ZC3H8: variants seen among roughly 807,000 people sequenced by gnomAD.
ZC3H8 encodes zinc finger CCCH-type containing 8, also known as zinc finger CCCH domain-containing protein 8.
In ZC3H8, 27 loss-of-function variants were observed where a neutral mutation model predicts 42.5. That is an observed-to-expected ratio of 0.64 (90% CI 0.47 to 0.88). The LOEUF (loss-of-function observed/expected upper bound fraction) is 0.88. Among genes scored for constraint, ZC3H8 ranks in the 40% least tolerant of loss-of-function variants. The pLI, the probability that ZC3H8 is intolerant of heterozygous loss-of-function variation, is 0.00. For missense variants in ZC3H8, 277 were observed against 336.1 expected (o/e 0.82, Z 1.37); for synonymous variants, 101 against 110.1 (o/e 0.92, Z 0.52).
rs1340749545 is a variant in ZC3H8 at position 112,238,311 on chromosome 2, T to C, written c.370+4A>G. On this transcript the variant is annotated splice_donor_region_variant and intron_variant, in intron 3 of 8. Transcript: ENST00000409573. ...TTTAAATGATAAAATAGTTTGACTC[T>C]TACCCTGTGGGGTATCTTTTACTCC... 1 of 1,612,172 alleles carries C rather than the reference T, an allele frequency of 6.2e-7. No homozygotes were observed. The highest frequency in any genetic ancestry group is 8.5e-7 in the Non-Finnish European group (1 of 1,179,202).
chr2:112,229,953 A>C (rs996201359), intron 8 of ZC3H8, among the ~76,000 whole-genome samples: 3 of 151,912 alleles, frequency 2.0e-5, no homozygotes, highest in Non-Finnish European at 2.9e-5. Flanking sequence ...AAAAAAAAAA[A>C]ACAAAAAACG....
chr2:112,232,881 C>T (rs1296441721), intron 6 of ZC3H8, among the ~76,000 whole-genome samples: 1 of 152,150 alleles, frequency 6.6e-6, no homozygotes, highest in Non-Finnish European at 1.5e-5. Context: ...CTACACAGTA[C>T]AGAATACACA....
At chr2:112,234,539 G>A (rs763454308) in intron 4 of ZC3H8, among the ~76,000 whole-genome samples, 12 of 152,162 alleles carry the variant, frequency 7.9e-5, no homozygotes, top group Admixed American at 7.9e-4. Context: ...AGTGGCTCAC[G>A]CCTGTAATCC....
intron 4 of ZC3H8, among the ~76,000 whole-genome samples, chr2:112,236,094 T>A (rs1685315162): frequency 6.6e-6 from 1 of 151,824 alleles, no homozygotes; most frequent in African/African-American, 2.4e-5. Context: ...CGAAACCCTG[T>A]CTCTACTAAA....
chr2:112,218,558 AAAG>A (rs1316313274), intron 8 of ZC3H8, among the ~76,000 whole-genome samples: 3 of 152,216 alleles, frequency 2.0e-5, no homozygotes, highest in Admixed American at 2.0e-4. Flanking sequence ...CAGTACCCAA[AAAG>A]AATAGAATAC....
At position 112,231,961 on chromosome 2, in the gene ZC3H8, TAAGG is replaced by T; in HGVS notation, c.734-18_734-15del. ...AAGGATATTCATGTAACCCAAGTGTTAAGGAAGAGAACAATTTTAATCCAATTGA... is the reference window on the plus strand; with the variant it reads ...AAGGATATTCATGTAACCCAAGTGTTAAGAGAACAATTTTAATCCAATTGA... On this transcript the variant is annotated splice_polypyrimidine_tract_variant and intron_variant, in intron 6 of 8. Transcript: ENST00000409573. The T allele has an allele frequency of 7.2e-7, 1 of 1,392,148 alleles. No homozygotes were observed. 86.2% of individuals were successfully genotyped at this position (1,392,148 alleles called of 1,614,324 possible). A position where few individuals can be genotyped will look rare whatever the true frequency, so the allele number is the denominator to read the frequency against.
At position 112,234,214 on chromosome 2, in the gene ZC3H8, T is replaced by C. The variant is rs1411669171; in HGVS notation, c.527A>G (p.Gln176Arg). 2 of 1,608,102 alleles carry C rather than the reference T, an allele frequency of 1.2e-6. No individual in the cohort carries two copies. The highest frequency in any genetic ancestry group is 1.7e-6 in the Non-Finnish European group (2 of 1,177,982). The change falls in exon 5 of 9, where the codon CAG (glutamine) becomes CGG (arginine). Residue 176 changes from glutamine to arginine, a missense_variant. By Grantham distance (43) the Gln-to-Arg change is conservative. Coordinates refer to ENST00000409573, the MANE Select transcript of ZC3H8 (RefSeq NM_032494.3). Reference protein sequence around the residue: ...QEEDGKPKEKQQHLSQAFINQ... With the variant: ...QEEDGKPKEKRQHLSQAFINQ... ...GATGAATGCCTGACTCAAATGCTGC[T>C]GCTTCTCTTTAGGTTTACCATCCTT...
intron 8 of ZC3H8, among the ~76,000 whole-genome samples, chr2:112,219,169 C>A (rs975000863): frequency 6.6e-6 from 1 of 152,138 alleles, no homozygotes; most frequent in Non-Finnish European, 1.5e-5. Context: ...ATTTGGGAGA[C>A]TCACACTTCC....
intron 4 of ZC3H8, among the ~76,000 whole-genome samples, chr2:112,236,241 G>A (rs796420587): frequency 7.9e-5 from 12 of 152,226 alleles, no homozygotes; most frequent in African/African-American, 2.9e-4. Flanking sequence ...GTTACAAGGC[G>A]AGACTCTGTC....
At chr2:112,245,937 AG>A (rs1685746545) in intron 2 of ZC3H8, among the ~76,000 whole-genome samples, 1 of 152,222 alleles carries the variant, frequency 6.6e-6, no homozygotes, top group Admixed American at 6.5e-5. Context: ...ATACTTTAAA[AG>A]GCTTCAAAAA....
chr2:112,250,203 T>G lies in ZC3H8; in HGVS notation c.144A>C (p.Gln48His), dbSNP rs1489284329. 1.3e-6 allele frequency: 2 copies of G among 1,567,030 alleles called. No individual in the cohort carries two copies. The highest frequency in any genetic ancestry group is 1.3e-5 in the African/African-American group (1 of 74,308). The change falls in exon 2 of 9, where the codon CAA becomes CAC. Residue 48 changes from glutamine to histidine, a missense_variant. By Grantham distance (24) the Gln-to-His change is conservative. Coordinates refer to ENST00000409573, the MANE Select transcript of ZC3H8 (RefSeq NM_032494.3). ...QEEKIKLECEQIPKKFRHSAI... is the reference protein window; with the variant it reads ...QEEKIKLECEHIPKKFRHSAI... The stretch of plus-strand genomic sequence containing the variant: ...AACTTAATCTTACTTTTTTGGGAAT[T>G]TGCTCGCACTCCAGTTTAATTTTCT...
rs1246408465 is a variant in ZC3H8, at chr2:112,229,685, A to G, written c.*15+1218T>C. Among the ~76,000 whole-genome samples the G allele has an allele frequency of 2.0e-5, 3 of 152,240 alleles. No homozygotes were observed. The East Asian group carries it at 5.8e-4, about 29-fold the overall frequency. ...CAGCCAATCTATATATGCATAAAAA[A>G]TAAGCACTTTGTGTTATTCACTACT... On this transcript the variant is annotated intron_variant, in intron 8 of 8. Coordinates refer to ENST00000409573, the MANE Select transcript of ZC3H8 (RefSeq NM_032494.3).
chr2:112,229,382 TTCC>T (rs985452313), intron 8 of ZC3H8, among the ~76,000 whole-genome samples: 2 of 152,244 alleles, frequency 1.3e-5, no homozygotes, highest in Admixed American at 6.5e-5. Flanking sequence ...ATTCTACCAG[TTCC>T]TCCCACATGT....
At chr2:112,233,826 G>A (rs927145471) in intron 5 of ZC3H8, among the ~76,000 whole-genome samples, 3 of 151,946 alleles carry the variant, frequency 2.0e-5, no homozygotes, top group South Asian at 2.1e-4. Flanking sequence ...CCGAGAATGC[G>A]CCACTGCACT....
intron 8 of ZC3H8, among the ~76,000 whole-genome samples, chr2:112,224,189 TCA>T (rs1684715770): frequency 6.6e-6 from 1 of 152,194 alleles, no homozygotes; most frequent in African/African-American, 2.4e-5. Context: ...TTTGAAAACT[TCA>T]CATTTATATT....
At chr2:112,220,187 A>AT (rs1333189363) in intron 8 of ZC3H8, among the ~76,000 whole-genome samples, 3 of 152,220 alleles carry the variant, frequency 2.0e-5, no homozygotes, top group African/African-American at 7.2e-5. Flanking sequence ...TGATCCTGTC[A>AT]TAACATTGTT....
rs529091262 is a variant in ZC3H8 at position 112,227,600 on chromosome 2, A to T, written c.*15+3303T>A. Among the ~76,000 whole-genome samples the T allele has an allele frequency of 2.0e-5, 3 of 152,306 alleles. No homozygotes were observed. The South Asian group carries it at 6.2e-4, about 32-fold the overall frequency. ...GGAATACATGCACACACAAAATAAAACCTACTAGAGCTAATAAATGAATTC... is the reference window on the plus strand; with the variant it reads ...GGAATACATGCACACACAAAATAAATCCTACTAGAGCTAATAAATGAATTC... On this transcript the variant is annotated intron_variant, in intron 8 of 8. Transcript: ENST00000409573.
chr2:112,223,917 T>C (rs1279145429), intron 8 of ZC3H8, among the ~76,000 whole-genome samples: 1 of 152,152 alleles, frequency 6.6e-6, no homozygotes, highest in South Asian at 2.1e-4. Context: ...CCAAGGCAGG[T>C]GGATCATTTG....
chr2:112,252,794 T>C (rs1685994768), intron 1 of ZC3H8, among the ~76,000 whole-genome samples: 1 of 152,132 alleles, frequency 6.6e-6, no homozygotes, highest in Non-Finnish European at 1.5e-5. Context: ...CTACACAGAT[T>C]TTTAAAACTT....
Sources: allele counts gnomAD v4.1 joint callset (sites outside exome capture counted in the v4.1 genomes callset), GRCh38; gene constraint gnomAD v4.1.1; transcripts MANE v1.5; gene names NCBI Gene and HGNC (gene_info 2026-07-23, HGNC 2026-07-21).